PPP2R5C: variants seen among roughly 807,000 people sequenced by gnomAD.
PPP2R5C encodes serine/threonine-protein phosphatase 2A 56 kDa regulatory subunit gamma isoform.
A neutral mutation model predicts 68.9 loss-of-function variants in PPP2R5C; 7 were observed. That is an observed-to-expected ratio of 0.10 (90% CI 0.06 to 0.19). PPP2R5C has a LOEUF of 0.19. Among genes scored for constraint, PPP2R5C ranks in the 10% least tolerant of loss-of-function variants. The pLI is 1.00. For missense variants in PPP2R5C, 348 were observed against 641.3 expected (o/e 0.54, Z 4.94); for synonymous variants, 210 against 222.2 (o/e 0.95, Z 0.49).
At chr14:101,895,916 C>A (rs2045289690) in intron 8 of PPP2R5C, among the ~76,000 whole-genome samples, 2 of 152,160 alleles carry the variant, frequency 1.3e-5, no homozygotes, top group South Asian at 4.1e-4. Context: ...AGTGACTGTC[C>A]CGTTTTACAT....
At chr14:101,925,073 C>G in intron 13 of PPP2R5C, 68 bp from the exon 16 acceptor site, 2 of 1,570,208 alleles carry the variant, frequency 1.3e-6, no homozygotes, top group Non-Finnish European at 1.7e-6. Context: ...TTGACTTCCA[C>G]CTCAGAAGTA....
Position 101,825,605 on chromosome 14 carries a change from A to G in PPP2R5C, c.94+15569A>G, listed in dbSNP as rs554228795. On this transcript the variant is annotated intron_variant, in intron 1 of 13. Coordinates refer to ENST00000334743, the Ensembl canonical transcript of PPP2R5C. The surrounding 1 kb of genome is among the most constrained non-coding windows in gnomAD (Gnocchi z 4.0). ...CACCTCCTAGCCAGGGTGTCACTCC[A>G]ATTCCATCATTCAGGTTTCACTGAA... 3.9e-5 allele frequency among the ~76,000 whole-genome samples: 6 copies of G among 152,322 alleles called. No individual in the cohort carries two copies. Among genetic ancestry groups the G allele is most frequent in the South Asian group, 2.1e-4 (1 of 4,830 alleles).
intron 7 of PPP2R5C, 133 bp downstream of exon 9, chr14:101,893,241 T>A: frequency 1.7e-6 from 1 of 577,430 alleles, no homozygotes; most frequent in Non-Finnish European, 3.0e-6. Context: ...AACAAACTTC[T>A]GGTGATAATC....
chr14:101,778,344 C>A (rs537742132), intron 2 of PPP2R5C, among the ~76,000 whole-genome samples: 1 of 152,122 alleles, frequency 6.6e-6, no homozygotes, highest in Non-Finnish European at 1.5e-5. Flanking sequence ...CAAATATGTT[C>A]TCCCATTCTG....
chr14:101,917,714 T>TTCCTGCGGGAGAGGGCC lies in PPP2R5C; in HGVS notation c.1327-116_1327-100dup. 7.0e-7 allele frequency: 1 copy of TTCCTGCGGGAGAGGGCC among 1,430,492 alleles called. No individual in the cohort carries two copies. Among genetic ancestry groups the TTCCTGCGGGAGAGGGCC allele is most frequent in the Non-Finnish European group, 9.5e-7 (1 of 1,056,176 alleles). The allele number at this position is 1,430,492 out of a possible 1,614,324, so 88.6% of individuals were successfully genotyped here. ...TAGGCGAGTCTCCCACTGAGTGGGCTTCCTGCGGGAGAGGGCCCTGGGGGG... is the reference window on the plus strand; with the variant it reads ...TAGGCGAGTCTCCCACTGAGTGGGCTTCCTGCGGGAGAGGGCCTCCTGCGGGAGAGGGCCCTGGGGGG... On this transcript the variant is annotated intron_variant, in intron 12 of 13. Transcript: ENST00000334743. This position sits in a 1 kb window ranked among gnomAD's most constrained non-coding sequence, Gnocchi z 4.4.
chr14:101,885,963 A>T (rs767070201), intron 5 of PPP2R5C, among the ~76,000 whole-genome samples: 2 of 152,206 alleles, frequency 1.3e-5, no homozygotes, highest in Non-Finnish European at 2.9e-5. Context: ...CAGAATCACA[A>T]ATCTATTGAA....
intron 2 of PPP2R5C, among the ~76,000 whole-genome samples, chr14:101,779,099 C>G (rs146039719): frequency 1.3e-5 from 2 of 152,142 alleles, no homozygotes; most frequent in Non-Finnish European, 2.9e-5. Flanking sequence ...AAAAGACATA[C>G]AAAACTAGGT....
chr14:101,778,139 G>A (rs56101238), intron 2 of PPP2R5C, among the ~76,000 whole-genome samples: 3,966 of 152,298 alleles, frequency 0.026, 74 homozygotes, highest in Non-Finnish European at 0.042. Flanking sequence ...GTATGTCATT[G>A]TAATTTTCAT....
chr14:101,887,068 C>T (rs540607741), intron 5 of PPP2R5C, among the ~76,000 whole-genome samples: 1 of 152,284 alleles, frequency 6.6e-6, no homozygotes, highest in South Asian at 2.1e-4. Flanking sequence ...ACAGCTGTGT[C>T]TTGTAAGAAA....
chr14:101,779,434 G>C (rs558519609), intron 2 of PPP2R5C, among the ~76,000 whole-genome samples: 1 of 152,302 alleles, frequency 6.6e-6, no homozygotes, highest in South Asian at 2.1e-4. Context: ...AATGGCATTT[G>C]AGCTAGAACT....
chr14:101,844,493 C>T (rs1310436498), intron 1 of PPP2R5C, among the ~76,000 whole-genome samples: 5 of 152,278 alleles, frequency 3.3e-5, no homozygotes, highest in East Asian at 1.9e-4. Context: ...GCACACAGGC[C>T]GCATGCTCAT....
chr14:101,924,376 A>C (rs1381871680), intron 13 of PPP2R5C, among the ~76,000 whole-genome samples: 1 of 150,418 alleles, frequency 6.6e-6, no homozygotes, highest in South Asian at 2.1e-4. Flanking sequence ...ATTTGATAGA[A>C]GTTTGAAATC....
At chr14:101,885,358 C>T (rs1333301274) in intron 5 of PPP2R5C, among the ~76,000 whole-genome samples, 1 of 151,562 alleles carries the variant, frequency 6.6e-6, no homozygotes, top group Non-Finnish European at 1.5e-5. Flanking sequence ...CGGGAGCACC[C>T]TGCCTTTCCG....
intron 2 of PPP2R5C, among the ~76,000 whole-genome samples, chr14:101,772,233 G>A (rs1427386126): frequency 1.3e-5 from 2 of 152,006 alleles, no homozygotes; most frequent in African/African-American, 4.8e-5. Flanking sequence ...AAAAGAGAAG[G>A]AAGTAGATAA....
intron 3 of PPP2R5C, among the ~76,000 whole-genome samples, chr14:101,803,833 A>G (rs2038970124): frequency 6.6e-6 from 1 of 152,228 alleles, no homozygotes; most frequent in African/African-American, 2.4e-5. Flanking sequence ...CTTGAGCAAT[A>G]CCCCACAAGC....
chr14:101,821,481 G>GTGTGTA (rs2040069255), intron 1 of PPP2R5C, among the ~76,000 whole-genome samples: 1 of 151,552 alleles, frequency 6.6e-6, no homozygotes, highest in South Asian at 2.1e-4. Flanking sequence ...GTGTGTGTGT[G>GTGTGTA]TGTATTTATC....
intron 3 of PPP2R5C, among the ~76,000 whole-genome samples, chr14:101,792,972 C>T (rs1325218719): frequency 6.6e-6 from 1 of 151,756 alleles, no homozygotes; most frequent in Non-Finnish European, 1.5e-5. Context: ...CCGCCTCCCA[C>T]ATTCAAATGA....
rs1418261447 is a variant in PPP2R5C at position 101,879,375 on chromosome 14, CCT to C, written c.295-2780_295-2779del. 6.5e-6 allele frequency: 1 copy of C among 152,826 alleles called. No individual in the cohort carries two copies. The allele number at this position is 152,826 out of a possible 1,614,324, so 9.5% of individuals were successfully genotyped here. A position where few individuals can be genotyped will look rare whatever the true frequency, so the allele number is the denominator to read the frequency against. ...AGCCTCGTCTCTGGGTGAGCTGACCCCTCTCTCCCTTGGCAGCTTCCTGGGCG... is the reference window on the plus strand; with the variant it reads ...AGCCTCGTCTCTGGGTGAGCTGACCCCTCTCCCTTGGCAGCTTCCTGGGCG... On this transcript the variant is annotated intron_variant, in intron 2 of 13. Transcript: ENST00000334743. The surrounding 1 kb of genome is among the most constrained non-coding windows in gnomAD (Gnocchi z 4.2).
chr14:101,831,728 A>G (rs751262827), intron 1 of PPP2R5C: 18 of 701,892 alleles, frequency 2.6e-5, no homozygotes, highest in Admixed American at 1.0e-4. Flanking sequence ...TTCGAGACCT[A>G]TGTATACAGA....
Sources: allele counts gnomAD v4.1 joint callset (sites outside exome capture counted in the v4.1 genomes callset), GRCh38; gene constraint gnomAD v4.1.1; non-coding constraint Gnocchi (gnomAD v3.1); transcripts MANE v1.5; gene names NCBI Gene and HGNC (gene_info 2026-07-23, HGNC 2026-07-21).